The following HSP90AA1 variants were observed in gnomAD, a reference collection of about 807,000 sequenced individuals.
HSP90AA1 encodes heat shock protein 90 alpha family class A member 1, also known as heat shock protein HSP 90-alpha.
A neutral mutation model predicts 73.3 loss-of-function variants in HSP90AA1; 18 were observed. The observed-to-expected ratio is 0.25, with a 90% CI of 0.17 to 0.36. The LOEUF is 0.36. HSP90AA1 is among the 10% of genes least tolerant of loss of function. The pLI is 1.00. For synonymous variants in HSP90AA1, 477 were observed against 296.9 expected (o/e 1.61, Z -6.24); for missense variants, 704 against 874.2 (o/e 0.81, Z 2.45).
rs746755998 is a variant in HSP90AA1 at position 102,083,629 on chromosome 14, G to A, written c.1403C>T (p.Ser468Phe). Residue 468 changes from serine to phenylalanine, a missense_variant, in exon 8 of 11, where the codon TCT becomes TTT. Physicochemically the swap from Ser to Phe is radical, Grantham distance 155. Coordinates refer to ENST00000216281, the MANE Select transcript of HSP90AA1 (RefSeq NM_005348.4). ...KLSELLRYYT[S>F]ASGDEMVSLK... Reference sequence around the variant, plus strand: ...AGAAACCATCTCATCACCAGAGGCAGATGTGTAGTACCTTAACAGCTCTGA... The same window carrying A: ...AGAAACCATCTCATCACCAGAGGCAAATGTGTAGTACCTTAACAGCTCTGA... The A allele has an allele frequency of 1.2e-6, 2 of 1,612,650 alleles. No individual in the cohort carries two copies. The highest frequency in any genetic ancestry group is 1.7e-6 in the Non-Finnish European group (2 of 1,179,150).
chr14:102,134,968 C>G (rs142168029), intron 1 of HSP90AA1, among the ~76,000 whole-genome samples: 4,409 of 152,162 alleles, frequency 0.029, 190 homozygotes, highest in African/African-American at 0.089. Context: ...GAGCTACATA[C>G]AAAGGTTCTC....
At chr14:102,087,934 T>G (rs1165213681), upstream of HSP90AA1, among the ~76,000 whole-genome samples, 7 of 72,024 alleles carry the variant, frequency 9.7e-5, no homozygotes, top group Non-Finnish European at 1.5e-4. Flanking sequence ...CTAAAAGGTT[T>G]TTTTTTTTTT....
upstream of HSP90AA1, among the ~76,000 whole-genome samples, chr14:102,089,482 T>C (rs983237130): frequency 3.9e-5 from 6 of 152,164 alleles, no homozygotes; most frequent in African/African-American, 1.4e-4. Flanking sequence ...TCTGTAATGG[T>C]TTCTACCATC....
chr14:102,087,166 C>A (rs1433807667), upstream of HSP90AA1: 1 of 983,522 alleles, frequency 1.0e-6, no homozygotes, highest in South Asian at 4.7e-5. Flanking sequence ...GGCCGCGCGC[C>A]TACGCATGCG....
At chr14:102,089,329 T>G (rs1200214871), upstream of HSP90AA1, among the ~76,000 whole-genome samples, 2 of 152,312 alleles carry the variant, frequency 1.3e-5, no homozygotes, top group Admixed American at 1.3e-4. Context: ...TGGGAACCAC[T>G]GTTTCCCGTC....
At chr14:102,092,970 C>G (rs1328842750) in intron 2 of HSP90AA1, among the ~76,000 whole-genome samples, 1 of 151,998 alleles carries the variant, frequency 6.6e-6, no homozygotes, top group African/African-American at 2.4e-5. Context: ...GTCTTGAACT[C>G]CTGGCCTCAC....
At chr14:102,109,075 C>G (rs894070310) in intron 1 of HSP90AA1, among the ~76,000 whole-genome samples, 1 of 152,190 alleles carries the variant, frequency 6.6e-6, no homozygotes, top group Non-Finnish European at 1.5e-5. Context: ...ACACCCAGCT[C>G]AAGATGCAGA....
At chr14:102,127,277 T>G (rs1258448679) in intron 1 of HSP90AA1, among the ~76,000 whole-genome samples, 1 of 152,198 alleles carries the variant, frequency 6.6e-6, no homozygotes, top group African/African-American at 2.4e-5. Flanking sequence ...CTCATTAAGC[T>G]GCTTGGATAA....
chr14:102,119,170 T>C (rs1050864174), intron 1 of HSP90AA1, among the ~76,000 whole-genome samples: 3 of 152,284 alleles, frequency 2.0e-5, no homozygotes, highest in Non-Finnish European at 2.9e-5. Context: ...CTTGCTTTTT[T>C]ACTTTTTCCA....
intron 1 of HSP90AA1, among the ~76,000 whole-genome samples, chr14:102,111,615 A>C (rs1401714881): frequency 6.6e-6 from 1 of 152,248 alleles, no homozygotes; most frequent in Non-Finnish European, 1.5e-5. Flanking sequence ...GGGTAAATTG[A>C]AACCCTGCAT....
upstream of HSP90AA1, among the ~76,000 whole-genome samples, chr14:102,088,643 C>A (rs1055236632): frequency 6.6e-6 from 1 of 152,164 alleles, no homozygotes; most frequent in Non-Finnish European, 1.5e-5. Context: ...GCGCCCCCGG[C>A]CCAGGCTTTC....
In HSP90AA1 at chr14:102,083,259, A is replaced by T. The variant is rs774081462; in HGVS notation, c.1530T>A (p.Arg510=). ...TCACTTCTAAGCCATGTTTCCGAAGACGTTCCACAAAGGCTGAGTTAGCTA... is the reference window on the plus strand; with the variant it reads ...TCACTTCTAAGCCATGTTTCCGAAGTCGTTCCACAAAGGCTGAGTTAGCTA... ...DQVANSAFVE[R]LRKHGLEVIY... is the part of the protein sequence containing the mutation. The change falls in exon 9 of 11, where the codon CGT becomes CGA. Residue 510 remains arginine, a synonymous_variant. Transcript: ENST00000216281. 8 of 1,614,172 alleles carry T rather than the reference A, an allele frequency of 5.0e-6. No homozygotes were observed. The highest frequency in any genetic ancestry group is 5.9e-6 in the Non-Finnish European group (7 of 1,180,022).
chr14:102,131,000 T>C (rs2049901237), intron 1 of HSP90AA1, among the ~76,000 whole-genome samples: 1 of 152,232 alleles, frequency 6.6e-6, no homozygotes, highest in Admixed American at 6.5e-5. Flanking sequence ...ATTACAGGCA[T>C]AAGCCACCAT....
At chr14:102,103,820 A>AC (rs1259833339) in intron 1 of HSP90AA1, among the ~76,000 whole-genome samples, 1 of 151,846 alleles carries the variant, frequency 6.6e-6, no homozygotes, top group African/African-American at 2.4e-5. Context: ...AAAAAAAAAA[A>AC]AACAAAAACC....
chr14:102,118,854 CT>C (rs11298881), intron 1 of HSP90AA1, among the ~76,000 whole-genome samples: 85,542 of 107,026 alleles, frequency 0.8, 33,319 homozygotes, highest in East Asian at 0.88. Flanking sequence ...CTTTTCCTTC[CT>C]TTTTTTTTTT....
chr14:102,131,879 G>A (rs2049910685), intron 1 of HSP90AA1, among the ~76,000 whole-genome samples: 2 of 152,064 alleles, frequency 1.3e-5, no homozygotes, highest in African/African-American at 2.4e-5. Flanking sequence ...CATGAGTGAG[G>A]AATTCCTGTT....
intron 2 of HSP90AA1, among the ~76,000 whole-genome samples, chr14:102,093,101 G>A (rs910671874): frequency 6.6e-6 from 1 of 151,716 alleles, no homozygotes; most frequent in Non-Finnish European, 1.5e-5. Flanking sequence ...TTGAAGAAAT[G>A]TTCAGGATCA....
In HSP90AA1 at chr14:102,122,519, G is replaced by C. The variant is rs141947827; in HGVS notation, c.155+16731C>G. 3.3e-3 allele frequency among the ~76,000 whole-genome samples: 505 copies of C among 152,086 alleles called. 2 individuals carry two copies. The highest frequency in any genetic ancestry group is 0.011 in the African/African-American group (449 of 41,486). On this transcript the variant is annotated intron_variant, in intron 1 of 11. Transcript: ENST00000334701. ...GATGGTCTTGATCTCCTGATCTTGTGATCCACCTGCCTCGGCCTCCCAAAG... is the reference window on the plus strand; with the variant it reads ...GATGGTCTTGATCTCCTGATCTTGTCATCCACCTGCCTCGGCCTCCCAAAG...
chr14:102,136,653 C>T (rs561146073), intron 1 of HSP90AA1, among the ~76,000 whole-genome samples: 9 of 149,312 alleles, frequency 6.0e-5, no homozygotes, highest in African/African-American at 1.5e-4. Context: ...TTCCGGAGGC[C>T]GAGGCTGGTG....
Sources: allele counts gnomAD v4.1 joint callset (sites outside exome capture counted in the v4.1 genomes callset), GRCh38; gene constraint gnomAD v4.1.1; transcripts MANE v1.5; gene names NCBI Gene and HGNC (gene_info 2026-07-23, HGNC 2026-07-21).